The following KLHDC4 variants were observed in gnomAD, a reference collection of about 807,000 sequenced individuals.
KLHDC4 encodes the protein kelch domain containing 4, also known as kelch domain-containing protein 4.
In KLHDC4, 90 loss-of-function variants were observed where a neutral mutation model predicts 62.4. The observed-to-expected ratio is 1.44, with a 90% CI of 1.22 to 1.72. The LOEUF (loss-of-function observed/expected upper bound fraction) is 1.72. Ranked by LOEUF, KLHDC4 falls within the 40% of genes most tolerant of loss-of-function variation. KLHDC4 has a pLI of 0.00. For missense variants in KLHDC4, 1,025 were observed against 699.7 expected (o/e 1.47, Z -5.25); for synonymous variants, 386 against 284.4 (o/e 1.36, Z -3.59).
chr16:87,760,478 G>A (rs1283941952), intron 2 of KLHDC4, among the ~76,000 whole-genome samples: 2 of 151,380 alleles, frequency 1.3e-5, no homozygotes, highest in Admixed American at 1.3e-4. Context: ...TTGGTGGCGG[G>A]TGCCTGTAGT....
At chr16:87,702,078 A>AC (rs780291387) in exon 14 of KLHDC4, 2 of 456,046 alleles carry the variant, frequency 4.4e-6, no homozygotes, top group Non-Finnish European at 8.8e-6. Flanking sequence ...AGAACTTGTG[A>AC]CCCCCGAGAT....
At chr16:87,736,514 G>A (rs772600445) in intron 5 of KLHDC4, among the ~76,000 whole-genome samples, 1 of 152,192 alleles carries the variant, frequency 6.6e-6, no homozygotes, top group Non-Finnish European at 1.5e-5. Context: ...CAGCCAGGGA[G>A]AGCCGTGTGC....
At position 87,742,417 on chromosome 16, in the gene KLHDC4, T is replaced by A. The variant is rs114194496; in HGVS notation, c.506+6256A>T. Among the ~76,000 whole-genome samples the A allele has an allele frequency of 8.1e-4, 123 of 152,324 alleles. 1 individual carries two copies. The highest frequency in any genetic ancestry group is 2.7e-3 in the African/African-American group (112 of 41,572). On this transcript the variant is annotated intron_variant, in intron 5 of 11. Coordinates refer to ENST00000270583, the MANE Select transcript of KLHDC4 (RefSeq NM_017566.4). ...TACACTACTTTCATTATTAAGGATC[T>A]AAGAGGTATTTTACATGAATATTCT...
chr16:87,746,925 C>A (rs2043125600), intron 5 of KLHDC4, among the ~76,000 whole-genome samples: 1 of 152,208 alleles, frequency 6.6e-6, no homozygotes, highest in Non-Finnish European at 1.5e-5. Context: ...CCCAGGGCAG[C>A]TGCCACGGAT....
downstream of KLHDC4, among the ~76,000 whole-genome samples, chr16:87,704,525 G>A (rs1247615226): frequency 2.2e-5 from 3 of 134,882 alleles, no homozygotes; most frequent in Non-Finnish European, 4.7e-5. Flanking sequence ...CGCCTGGGGA[G>A]GGCCCTGGGG....
At chr16:87,750,777 C>T (rs4354949) in intron 4 of KLHDC4, 29,264 of 152,208 alleles carry the variant, frequency 0.19, 2,943 homozygotes, top group South Asian at 0.31. Flanking sequence ...AGACAGCGGG[C>T]GCAGGTGGTA....
intron 5 of KLHDC4, among the ~76,000 whole-genome samples, chr16:87,731,277 C>T (rs974779444): frequency 6.6e-6 from 1 of 151,658 alleles, no homozygotes; most frequent in African/African-American, 2.4e-5. Context: ...GTTGGCCAGG[C>T]TGGTCTCGAA....
At chr16:87,713,274 A>G (rs2036257971) in intron 8 of KLHDC4, among the ~76,000 whole-genome samples, 2 of 151,418 alleles carry the variant, frequency 1.3e-5, no homozygotes, top group Admixed American at 1.3e-4. Flanking sequence ...ATCTCGGCTC[A>G]CTGCAAGCTC....
At chr16:87,748,211 C>T (rs1321529190) in intron 5 of KLHDC4, among the ~76,000 whole-genome samples, 1 of 152,168 alleles carries the variant, frequency 6.6e-6, no homozygotes, top group Non-Finnish European at 1.5e-5. Flanking sequence ...AGAGGCTGAG[C>T]AGGGTTCACT....
At chr16:87,720,758 G>C (rs529628368) in intron 7 of KLHDC4, among the ~76,000 whole-genome samples, 1 of 152,230 alleles carries the variant, frequency 6.6e-6, no homozygotes, top group East Asian at 1.9e-4. Flanking sequence ...ACCACTTCTA[G>C]TCAGCTTCCT....
At chr16:87,721,500 T>C (rs1344805118) in intron 7 of KLHDC4, among the ~76,000 whole-genome samples, 1 of 150,900 alleles carries the variant, frequency 6.6e-6, no homozygotes, top group African/African-American at 2.4e-5. Flanking sequence ...TAGAAGCCAC[T>C]GTCGCGCCCA....
chr16:87,738,478 G>C (rs565023739), intron 5 of KLHDC4, among the ~76,000 whole-genome samples: 7 of 152,220 alleles, frequency 4.6e-5, no homozygotes, highest in East Asian at 3.9e-4. Context: ...CAGCAACACT[G>C]CAAGAGCAGA....
At position 87,723,067 on chromosome 16, in the gene KLHDC4, T is replaced by C. The variant is rs143420290; in HGVS notation, c.759+3698A>G. ...GGACAGAGCATGGCGGGTGAGGGTGTAATGGCGCCAGAGCAAGGACGAGCT... is the reference window on the plus strand; with the variant it reads ...GGACAGAGCATGGCGGGTGAGGGTGCAATGGCGCCAGAGCAAGGACGAGCT... On this transcript the variant is annotated intron_variant, in intron 7 of 11. Coordinates refer to ENST00000270583, the MANE Select transcript of KLHDC4 (RefSeq NM_017566.4). 6.2e-3 allele frequency among the ~76,000 whole-genome samples: 942 copies of C among 152,242 alleles called. 3 individuals carry two copies. Among genetic ancestry groups the C allele is most frequent in the Non-Finnish European group, 9.7e-3 (660 of 68,014 alleles).
At chr16:87,700,387 T>C (rs76857461) in exon 1 of KLHDC4, 12,294 of 155,616 alleles carry the variant, frequency 0.079, 663 homozygotes, top group Admixed American at 0.18. Context: ...GCCGCCCTCC[T>C]GCAGTACCTT....
chr16:87,703,917 G>A (rs1454161421), downstream of KLHDC4, among the ~76,000 whole-genome samples: 1 of 152,222 alleles, frequency 6.6e-6, no homozygotes, highest in Admixed American at 6.5e-5. Context: ...AGCCATCTGG[G>A]CTATGAAAAC....
At chr16:87,702,575 G>A (rs1489372323) in exon 1 of KLHDC4, 3 of 341,356 alleles carry the variant, frequency 8.8e-6, no homozygotes, top group African/African-American at 4.3e-5. Context: ...CTCTCTAGCA[G>A]GACTCTGCTC....
At chr16:87,699,341 T>C (rs1263894491) in exon 1 of KLHDC4, 8 of 152,240 alleles carry the variant, frequency 5.3e-5, no homozygotes, top group Non-Finnish European at 2.9e-5. Context: ...TTCCCAAAGA[T>C]ACAGATCAGG....
intron 8 of KLHDC4, chr16:87,714,277 G>C (rs916080735): frequency 1.7e-6 from 1 of 603,516 alleles, no homozygotes; most frequent in Non-Finnish European, 2.1e-6. Flanking sequence ...TTCTCAGTCA[G>C]TCCATCATCA....
intron 7 of KLHDC4, among the ~76,000 whole-genome samples, chr16:87,723,811 G>A (rs974972869): frequency 2.6e-5 from 4 of 152,198 alleles, no homozygotes; most frequent in African/African-American, 9.6e-5. Flanking sequence ...AGGTTCCTAA[G>A]GTATTCAATG....
Sources: gnomAD v4.1 joint callset for allele counts (sites outside exome capture counted in the v4.1 genomes callset) on GRCh38, gnomAD v4.1.1 for gene constraint, MANE v1.5 for transcripts, NCBI Gene and HGNC (gene_info 2026-07-23, HGNC 2026-07-21) for gene names.